The following EXOC7 variants were observed in gnomAD, a reference collection of about 807,000 sequenced individuals.
EXOC7 encodes the protein exocyst complex component Exo70.
In EXOC7, 51 loss-of-function variants were observed where a neutral mutation model predicts 87.6. The observed-to-expected ratio is 0.58, with a 90% CI of 0.46 to 0.73. The LOEUF (loss-of-function observed/expected upper bound fraction) is 0.73, where lower values mean the gene tolerates loss of function less well. Among genes scored for constraint, EXOC7 ranks in the 30% least tolerant of loss-of-function variants. The pLI is 0.00. For missense variants in EXOC7, 744 were observed against 888.4 expected (o/e 0.84, Z 2.07); for synonymous variants, 327 against 357.1 (o/e 0.92, Z 0.95).
In EXOC7 at chr17:76,081,432, G is replaced by A; in HGVS notation, c.*2216C>T. 5 of 1,613,532 alleles carry A rather than the reference G, an allele frequency of 3.1e-6. No homozygotes were observed. The highest frequency in any genetic ancestry group is 1.3e-5 in the African/African-American group (1 of 75,062). ...GTCAAGTCGGGAGGAGGCCGACAGA[G>A]GGCTGCTGGAGGCGGGTGGGAGTGA... is the stretch of plus-strand genomic sequence containing the variant. On this transcript the variant is annotated 3_prime_UTR_variant, in exon 19 of 19. Transcript: ENST00000589210.
chr17:76,089,050 G>T, intron 8 of EXOC7, 125 bp downstream of exon 8: 1 of 1,487,156 alleles, frequency 6.7e-7, no homozygotes. Flanking sequence ...GAGGTGGTGA[G>T]CGTCCACCCA....
At chr17:76,097,654 G>C in intron 5 of EXOC7, 142 bp downstream of exon 5, 1 of 586,514 alleles carries the variant, frequency 1.7e-6, no homozygotes, top group Non-Finnish European at 2.8e-6. Context: ...GCAGCAAGCC[G>C]AGTTGCACCA....
chr17:76,092,147 T>A (rs1174865712), intron 6 of EXOC7, among the ~76,000 whole-genome samples: 1 of 151,988 alleles, frequency 6.6e-6, no homozygotes, highest in Non-Finnish European at 1.5e-5. Flanking sequence ...CCGGGATGCC[T>A]CCCACCCCCA....
chr17:76,085,874 G>A lies in EXOC7; in HGVS notation c.1496-77C>T, dbSNP rs969063945. 10 of 1,566,362 alleles carry A rather than the reference G, an allele frequency of 6.4e-6. No homozygotes were observed. In the Admixed American group the frequency reaches 1.3e-4, roughly 21 times the overall value. On this transcript the variant is annotated intron_variant, in intron 13 of 18. Coordinates refer to ENST00000589210, the MANE Select transcript of EXOC7 (RefSeq NM_001013839.4). ...ACCCCACCCCAGGACCCGCGAACGC[G>A]CTCCTATCCATCGCTCCTCGTCCTG...
At chr17:76,099,955 A>C (rs1284247264) in intron 4 of EXOC7, among the ~76,000 whole-genome samples, 1 of 152,156 alleles carries the variant, frequency 6.6e-6, no homozygotes, top group Non-Finnish European at 1.5e-5. Context: ...TTTAAAACTT[A>C]GCTGGGTATG....
Position 76,083,606 on chromosome 17 carries a change from GAC to G in EXOC7, c.*40_*41del. On this transcript the variant is annotated 3_prime_UTR_variant, in exon 19 of 19. Transcript: ENST00000589210. ...GCTAACACTGGTTTATCTGTCCAAT[GAC>G]ACGCCAGTCTGGTGGAACCAGGCAG... 3 of 1,593,288 alleles carry G rather than the reference GAC, an allele frequency of 1.9e-6. No homozygotes were observed. The highest frequency in any genetic ancestry group is 2.6e-6 in the Non-Finnish European group (3 of 1,161,416).
chr17:76,090,271 G>T, intron 7 of EXOC7: 1 of 1,527,802 alleles, frequency 6.5e-7, no homozygotes, highest in South Asian at 1.2e-5. Context: ...CAGGCCATCC[G>T]GGGACCGCTG....
rs143262818 is a variant in EXOC7 at position 76,082,639 on chromosome 17, C to A, written c.*1009G>T. On this transcript the variant is annotated 3_prime_UTR_variant, in exon 19 of 19. Transcript: ENST00000589210. The stretch of plus-strand genomic sequence containing the variant: ...TGGAGAGGCTGCACCCCATGGCAGG[C>A]GGCCTAGACTGTAAAGGGGCAGGGC... The A allele has an allele frequency of 6.2e-7, 1 of 1,611,076 alleles. No homozygotes were observed. The highest frequency in any genetic ancestry group is 1.3e-5 in the African/African-American group (1 of 74,840).
chr17:76,103,316 A>T, intron 2 of EXOC7, 45 bp downstream of exon 2: 1 of 1,540,722 alleles, frequency 6.5e-7, no homozygotes, highest in Non-Finnish European at 8.8e-7. Flanking sequence ...GCTCTCCCCC[A>T]GGGTCCGGAG....
chr17:76,081,562 G>T lies in EXOC7; in HGVS notation c.*2086C>A. 6.2e-7 allele frequency: 1 copy of T among 1,613,558 alleles called. No homozygotes were observed. ...CCTTCCAGCTGAGGCTGAAGAACAC[G>T]GCGCTCAAGTCCATCATCGCTCTCT... On this transcript the variant is annotated 3_prime_UTR_variant, in exon 19 of 19. Transcript: ENST00000589210.
chr17:76,087,648 C>G lies in EXOC7; in HGVS notation c.1429+6G>C. 1 of 1,550,954 alleles carries G rather than the reference C, an allele frequency of 6.4e-7. No homozygotes were observed. The highest frequency in any genetic ancestry group is 1.4e-5 in the African/African-American group (1 of 73,162). On this transcript the variant is annotated splice_donor_region_variant and intron_variant, in intron 12 of 18. Transcript: ENST00000589210. ...GGCAGGGGGCCCAACTGGGAGGTACCAGTACCTTGGGAGGCCAGCATGGCG... is the reference window on the plus strand; with the variant it reads ...GGCAGGGGGCCCAACTGGGAGGTACGAGTACCTTGGGAGGCCAGCATGGCG...
At chr17:76,086,902 G>A in intron 12 of EXOC7, 1 of 1,551,196 alleles carries the variant, frequency 6.4e-7, no homozygotes, top group Non-Finnish European at 8.7e-7. Flanking sequence ...ACTACGGAGT[G>A]AAAGGCAGTG....
At chr17:76,088,692 C>T (rs1487052848) in intron 9 of EXOC7, 79 bp downstream of exon 9, 1 of 1,604,016 alleles carries the variant, frequency 6.2e-7, no homozygotes, top group Non-Finnish European at 8.5e-7. Context: ...ATGGGGTTCT[C>T]CCAGGGAGGG....
At chr17:76,090,017 G>C (rs948541587) in intron 7 of EXOC7, among the ~76,000 whole-genome samples, 1 of 152,236 alleles carries the variant, frequency 6.6e-6, no homozygotes, top group African/African-American at 2.4e-5. Context: ...GGGGATCAGA[G>C]CTCTGAATTG....
rs1380057624 is a variant in EXOC7 at position 76,081,874 on chromosome 17, TC to T, written c.*1773del. The T allele has an allele frequency of 2.5e-6, 4 of 1,607,922 alleles. No individual in the cohort carries two copies. The African/African-American group carries it at 5.4e-5, about 22-fold the overall frequency. On this transcript the variant is annotated 3_prime_UTR_variant, in exon 19 of 19. Coordinates refer to ENST00000589210, the MANE Select transcript of EXOC7 (RefSeq NM_001013839.4). ...CCTGAGCATCTCCCTGTGCCCTGCC[TC>T]CCCCAGTTTACTACTTCACCATCCT... is the stretch of plus-strand genomic sequence containing the variant.
intron 13 of EXOC7, 70 bp from the exon 14 acceptor site, chr17:76,085,867 C>A: frequency 6.4e-7 from 1 of 1,572,536 alleles, no homozygotes; most frequent in East Asian, 2.3e-5. Flanking sequence ...CCAGGACCCG[C>A]GAACGCGCTC....
At chr17:76,095,791 C>A (rs1401206779) in intron 5 of EXOC7, among the ~76,000 whole-genome samples, 1 of 152,146 alleles carries the variant, frequency 6.6e-6, no homozygotes, top group African/African-American at 2.4e-5. Flanking sequence ...TGAGAATAAA[C>A]CCTCAAGAAC....
At chr17:76,101,641 G>A (rs1364720613) in intron 3 of EXOC7, 38 bp downstream of exon 3, 1 of 1,577,434 alleles carries the variant, frequency 6.3e-7, no homozygotes, top group Non-Finnish European at 8.6e-7. Flanking sequence ...TGGCCCAGGA[G>A]GCATTAGGAA....
chr17:76,085,797 C>A lies in EXOC7; in HGVS notation c.1496G>T (p.Cys499Phe). Reference sequence around the variant, plus strand: ...CAACTGCAGGTTGCCCAGCACTTTACCTGCACAGGGAAAAATGGGGCCACA... The same window carrying A: ...CAACTGCAGGTTGCCCAGCACTTTAACTGCACAGGGAAAAATGGGGCCACA... Reference protein sequence around the residue: ...FSKRLLSTYICKVLGNLQLNL... With the variant: ...FSKRLLSTYIFKVLGNLQLNL... The change falls in exon 14 of 19, where the codon TGT becomes TTT. Residue 499 changes from cysteine to phenylalanine, a missense_variant and splice_region_variant. This residue lies in a region of EXOC7 where 228 missense variants were observed against 298.6 expected (regional missense o/e 0.76). Transcript: ENST00000589210. The A allele has an allele frequency of 6.2e-7, 1 of 1,611,320 alleles. No individual in the cohort carries two copies. The highest frequency in any genetic ancestry group is 1.1e-5 in the South Asian group (1 of 90,792).
Sources: gnomAD v4.1 joint callset for allele counts (sites outside exome capture counted in the v4.1 genomes callset) on GRCh38, gnomAD v4.1.1 for gene constraint, gnomAD v4.1.1 regional missense constraint, MANE v1.5 for transcripts, NCBI Gene and HGNC (gene_info 2026-07-23, HGNC 2026-07-21) for gene names.